LRMDA: variants seen among roughly 807,000 people sequenced by gnomAD.
LRMDA encodes leucine-rich melanocyte differentiation-associated protein.
In LRMDA, 18 loss-of-function variants were observed where a neutral mutation model predicts 29.8. The ratio of observed to expected loss-of-function variants is 0.60; its 90% CI spans 0.42 to 0.90. LRMDA has a LOEUF of 0.90. Among genes scored for constraint, LRMDA ranks in the 40% least tolerant of loss-of-function variants. The pLI is 0.00. For missense variants in LRMDA, 273 were observed against 273.9 expected (o/e 1.00, Z 0.02); for synonymous variants, 125 against 109.4 (o/e 1.14, Z -0.89).
chr10:75,488,777 C>T (rs1471641880), intron 2 of LRMDA, among the ~76,000 whole-genome samples: 2 of 152,078 alleles, frequency 1.3e-5, no homozygotes, highest in Admixed American at 6.6e-5. Context: ...TGAGTGGCAG[C>T]GCTGTGGCTG....
intron 6 of LRMDA, among the ~76,000 whole-genome samples, chr10:76,553,306 C>T (rs973390610): frequency 1.7e-4 from 26 of 152,248 alleles, no homozygotes; most frequent in Non-Finnish European, 3.8e-4. Context: ...TGTTCCCCCT[C>T]CAGTCCCAAG....
At chr10:76,553,468 C>G (rs375775173) in intron 6 of LRMDA, among the ~76,000 whole-genome samples, 56 of 152,284 alleles carry the variant, frequency 3.7e-4, no homozygotes, top group African/African-American at 1.3e-3. Context: ...CTGTTCCCTC[C>G]GTAATTTTCA....
Position 76,373,412 on chromosome 10 carries a change from A to G in LRMDA, c.601+48927A>G, listed in dbSNP as rs1021711279. 5.9e-5 allele frequency among the ~76,000 whole-genome samples: 9 copies of G among 152,140 alleles called. No individual in the cohort carries two copies. In the South Asian group the frequency reaches 6.2e-4, roughly 10 times the overall value. ...TAAGATTATAATAATATTTATATGT[A>G]TCATAGTAATATTGATTATTATGAT... On this transcript the variant is annotated intron_variant, in intron 6 of 6. Coordinates refer to ENST00000611255, the MANE Select transcript of LRMDA (RefSeq NM_001305581.2).
At chr10:75,790,276 TG>T (rs1843543159) in intron 2 of LRMDA, among the ~76,000 whole-genome samples, 1 of 152,170 alleles carries the variant, frequency 6.6e-6, no homozygotes, top group African/African-American at 2.4e-5. Context: ...CTCCAGACCT[TG>T]CTAAATGTCT....
At chr10:76,123,342 CA>C (rs3042573) in intron 5 of LRMDA, among the ~76,000 whole-genome samples, 7,961 of 144,014 alleles carry the variant, frequency 0.055, 595 homozygotes, top group African/African-American at 0.18. Context: ...TTATTTCTAC[CA>C]AAAAAAAAAA....
At chr10:75,668,768 T>G (rs539208326) in intron 2 of LRMDA, among the ~76,000 whole-genome samples, 1 of 152,334 alleles carries the variant, frequency 6.6e-6, no homozygotes, top group African/African-American at 2.4e-5. Flanking sequence ...TCAACTTTCT[T>G]AGAGCGTTCT....
At position 76,058,647 on chromosome 10, in the gene LRMDA, T is replaced by C; in HGVS notation, c.399-19T>C. 1 of 1,599,550 alleles carries C rather than the reference T, an allele frequency of 6.3e-7. No individual in the cohort carries two copies. The highest frequency in any genetic ancestry group is 8.6e-7 in the Non-Finnish European group (1 of 1,166,750). Reference sequence around the variant, plus strand: ...TGCCACTCAAACTTCCTGAGTTGTCTCTGACTCTTATCTTCCAGATGCTTT... The same window carrying C: ...TGCCACTCAAACTTCCTGAGTTGTCCCTGACTCTTATCTTCCAGATGCTTT... On this transcript the variant is annotated intron_variant, in intron 4 of 6. Coordinates refer to ENST00000611255, the MANE Select transcript of LRMDA (RefSeq NM_001305581.2).
At position 76,007,031 on chromosome 10, in the gene LRMDA, T is replaced by TGTGTGTGTGTGTGTGTGTGTGTGC. The variant is rs1230411095; in HGVS notation, c.132-28976_132-28975insTGTGTGTGTGTGTGTGTGTGTGCG. 1.9e-4 allele frequency among the ~76,000 whole-genome samples: 5 copies of TGTGTGTGTGTGTGTGTGTGTGTGC among 26,906 alleles called. No individual in the cohort carries two copies. The East Asian group carries it at 3.1e-3, about 17-fold the overall frequency. 17.7% of individuals were successfully genotyped at this position (26,906 alleles called of 152,430 possible). A position where few individuals can be genotyped will look rare whatever the true frequency, so the allele number is the denominator to read the frequency against. ...GTGTGTGTGTGTGTGTGTGTGTGTG[T>TGTGTGTGTGTGTGTGTGTGTGTGC]GCGCGTGTGTGTTTATATATTTATT... On this transcript the variant is annotated intron_variant, in intron 2 of 6. Transcript: ENST00000611255.
chr10:76,152,311 T>C (rs927620516), intron 5 of LRMDA, among the ~76,000 whole-genome samples: 3 of 152,198 alleles, frequency 2.0e-5, no homozygotes, highest in African/African-American at 7.2e-5. Context: ...TTTGGCATAG[T>C]GTTTTCAAGG....
At chr10:75,606,719 A>G (rs373760689) in intron 2 of LRMDA, among the ~76,000 whole-genome samples, 1 of 152,092 alleles carries the variant, frequency 6.6e-6, no homozygotes, top group Non-Finnish European at 1.5e-5. Context: ...GTCTCTTTAT[A>G]TTGGGAAAAT....
chr10:76,491,382 A>G (rs977849391), intron 6 of LRMDA, among the ~76,000 whole-genome samples: 7 of 151,934 alleles, frequency 4.6e-5, no homozygotes, highest in African/African-American at 1.7e-4. Context: ...GAAATCCCTC[A>G]GCTTTTGTTT....
chr10:76,356,836 G>A (rs953076965), intron 6 of LRMDA, among the ~76,000 whole-genome samples: 6 of 152,090 alleles, frequency 3.9e-5, no homozygotes, highest in African/African-American at 9.7e-5. Flanking sequence ...GAATTTCAGC[G>A]TGTCTTCCAG....
chr10:76,420,648 A>C (rs371790010), intron 6 of LRMDA, among the ~76,000 whole-genome samples: 1 of 151,930 alleles, frequency 6.6e-6, no homozygotes. Context: ...TTCTTTTCTA[A>C]TATATGCATT....
At chr10:75,528,592 T>C (rs2115913) in intron 2 of LRMDA, among the ~76,000 whole-genome samples, 74,409 of 151,978 alleles carry the variant, frequency 0.49, 20,750 homozygotes, top group African/African-American at 0.78. Flanking sequence ...GACTAGTTGG[T>C]CTGGCTAGAT....
intron 6 of LRMDA, among the ~76,000 whole-genome samples, chr10:76,462,012 T>A: frequency 7.1e-6 from 1 of 141,700 alleles, no homozygotes. Context: ...AAGGCTGCAG[T>A]GAACTGCAAT....
At chr10:75,442,299 A>G (rs1044090868) in intron 2 of LRMDA, among the ~76,000 whole-genome samples, 5 of 152,242 alleles carry the variant, frequency 3.3e-5, no homozygotes, top group African/African-American at 9.6e-5. Context: ...CTATTGTCTT[A>G]GCAGATTTCA....
At chr10:75,992,380 C>T (rs758441774) in intron 2 of LRMDA, among the ~76,000 whole-genome samples, 5 of 152,094 alleles carry the variant, frequency 3.3e-5, no homozygotes, top group East Asian at 1.9e-4. Context: ...AACATTTAGG[C>T]GTCGGGGAAG....
intron 5 of LRMDA, among the ~76,000 whole-genome samples, chr10:76,151,367 C>G (rs1457972559): frequency 2.0e-5 from 3 of 152,210 alleles, no homozygotes; most frequent in Non-Finnish European, 4.4e-5. Context: ...AAGCCCACAG[C>G]CATCCCTCAG....
intron 2 of LRMDA, among the ~76,000 whole-genome samples, chr10:75,474,031 G>A (rs758188700): frequency 2.6e-5 from 4 of 152,182 alleles, no homozygotes; most frequent in Non-Finnish European, 5.9e-5. Flanking sequence ...TGTGGACCAC[G>A]TGAGACAACA....
Sources: gnomAD v4.1 joint callset for allele counts (sites outside exome capture counted in the v4.1 genomes callset) on GRCh38, gnomAD v4.1.1 for gene constraint, MANE v1.5 for transcripts, NCBI Gene and HGNC (gene_info 2026-07-23, HGNC 2026-07-21) for gene names.